GLMN: variants seen among roughly 807,000 people sequenced by gnomAD.
The protein encoded by GLMN is glomulin, FKBP associated protein.
GLMN carries 75 observed loss-of-function variants against 87.8 expected under a neutral mutation model. That is an observed-to-expected ratio of 0.85 (90% CI 0.71 to 1.04). GLMN has a LOEUF of 1.04. Ranked by LOEUF, GLMN falls within the 50% of genes least tolerant of loss-of-function variation. The pLI, the probability that GLMN is intolerant of heterozygous loss-of-function variation, is 0.00. For synonymous variants in GLMN, 206 were observed against 221.6 expected, an observed-to-expected ratio of 0.93 and a Z score of 0.63; for missense variants, 588 against 658.8, an observed-to-expected ratio of 0.89 and a Z score of 1.18.
the GLMN span, chr1:92,333,600 G>A: frequency 1.5e-6 from 1 of 673,934 alleles, no homozygotes; most frequent in East Asian, 2.8e-5. Flanking sequence ...AGTTCACATG[G>A]ATTTCTTCAC....
intron 16 of GLMN, among the ~76,000 whole-genome samples, chr1:92,248,641 T>C (rs773098163): frequency 1.5e-4 from 23 of 152,110 alleles, no homozygotes; most frequent in Non-Finnish European, 2.8e-4. Flanking sequence ...CAAAGGAAAA[T>C]GTCTTAGGTC....
Position 92,246,418 on chromosome 1 carries a change from CATTT to C in GLMN, c.*108_*111del, listed in dbSNP as rs1652673762. 2 of 645,124 alleles carry C rather than the reference CATTT, an allele frequency of 3.1e-6. No homozygotes were observed. Among genetic ancestry groups the C allele is most frequent in the East Asian group, 5.6e-5 (2 of 35,944 alleles). 40.0% of individuals were successfully genotyped at this position (645,124 alleles called of 1,614,324 possible). On this transcript the variant is annotated 3_prime_UTR_variant, in exon 19 of 19. Coordinates refer to ENST00000370360, the MANE Select transcript of GLMN (RefSeq NM_053274.3). ...AGAAATTGATAAATGAGAAAAGCTA[CATTT>C]ATTTTTCAAGCAGTAAATTTTTACA...
At chr1:92,359,683 C>G in the GLMN span, among the ~76,000 whole-genome samples, 1 of 152,144 alleles carries the variant, frequency 6.6e-6, no homozygotes, top group African/African-American at 2.4e-5. Context: ...AAGATTTAGG[C>G]AGATTATCAG....
the GLMN span, among the ~76,000 whole-genome samples, chr1:92,369,428 G>A: frequency 6.6e-6 from 1 of 152,124 alleles, no homozygotes; most frequent in Non-Finnish European, 1.5e-5. Flanking sequence ...TCCCACCTCA[G>A]CCTCTTGTTG....
the GLMN span, among the ~76,000 whole-genome samples, chr1:92,313,085 T>C: frequency 6.6e-6 from 1 of 152,222 alleles, no homozygotes; most frequent in African/African-American, 2.4e-5. Context: ...CAGGCTGGTC[T>C]CGAACTCCTG....
At chr1:92,278,251 T>A (rs952815690) in intron 7 of GLMN, among the ~76,000 whole-genome samples, 1 of 152,108 alleles carries the variant, frequency 6.6e-6, no homozygotes, top group Admixed American at 6.5e-5. Flanking sequence ...AAAATACATA[T>A]CATATGTGAT....
the GLMN span, among the ~76,000 whole-genome samples, chr1:92,350,201 T>C: frequency 1.3e-5 from 2 of 152,212 alleles, no homozygotes; most frequent in African/African-American, 2.4e-5. Context: ...CAAGAGCACA[T>C]GGAAAGACCT....
At chr1:92,292,836 T>C (rs1441553366) in intron 3 of GLMN, among the ~76,000 whole-genome samples, 2 of 150,754 alleles carry the variant, frequency 1.3e-5, no homozygotes, top group Non-Finnish European at 3.0e-5. Context: ...AAGACCAGCC[T>C]GGGCAACACG....
chr1:92,264,579 T>G lies in GLMN; in HGVS notation c.1274A>C (p.Lys425Thr). The change falls in exon 14 of 19, where the codon AAA becomes ACA. Residue 425 changes from lysine to threonine, a missense_variant. Lys to Thr is a moderately conservative substitution (Grantham distance 78). Coordinates refer to ENST00000370360, the MANE Select transcript of GLMN (RefSeq NM_053274.3). ...GVEAFIIQNI[K>T]NQIDMSLKRT... ...CTTTAATGACATGTCAATTTGATTT[T>G]TGATATTTTGAATAATAAAAGCCTC... The G allele has an allele frequency of 6.3e-7, 1 of 1,579,492 alleles. No homozygotes were observed. Among genetic ancestry groups the G allele is most frequent in the Non-Finnish European group, 8.7e-7 (1 of 1,148,472 alleles).
chr1:92,305,964 G>T, the GLMN span, among the ~76,000 whole-genome samples: 1 of 152,006 alleles, frequency 6.6e-6, no homozygotes, highest in Non-Finnish European at 1.5e-5. Flanking sequence ...TCTTACACAT[G>T]TACACCAGCA....
the GLMN span, among the ~76,000 whole-genome samples, chr1:92,307,832 TTTA>T: frequency 6.6e-6 from 1 of 152,082 alleles, no homozygotes; most frequent in African/African-American, 2.4e-5. Context: ...TCAAGAAAAT[TTTA>T]TTATTGAGGG....
the GLMN span, among the ~76,000 whole-genome samples, chr1:92,344,500 A>G: frequency 6.6e-6 from 1 of 152,256 alleles, no homozygotes; most frequent in Non-Finnish European, 1.5e-5. Flanking sequence ...ACAGCTATTT[A>G]ATATTTTATA....
chr1:92,299,358 T>C (rs1366521516), upstream of GLMN, among the ~76,000 whole-genome samples: 1 of 152,104 alleles, frequency 6.6e-6, no homozygotes, highest in African/African-American at 2.4e-5. Flanking sequence ...GTTCCAAGAT[T>C]TCCCTCACGC....
At chr1:92,334,735 C>T in the GLMN span, among the ~76,000 whole-genome samples, 2 of 151,900 alleles carry the variant, frequency 1.3e-5, no homozygotes, top group South Asian at 4.2e-4. Flanking sequence ...ACCTGTAATC[C>T]CAGCACTTTG....
At chr1:92,357,662 C>G in the GLMN span, among the ~76,000 whole-genome samples, 1 of 152,138 alleles carries the variant, frequency 6.6e-6, no homozygotes, top group African/African-American at 2.4e-5. Context: ...CTCATGAGTG[C>G]TGAAGACTAT....
chr1:92,303,563 G>A (rs1228323395), upstream of GLMN, among the ~76,000 whole-genome samples: 2 of 151,888 alleles, frequency 1.3e-5, no homozygotes, highest in Non-Finnish European at 2.9e-5. Context: ...TAAAGATTAT[G>A]CTTTAAAAAA....
the GLMN span, among the ~76,000 whole-genome samples, chr1:92,355,449 G>A: frequency 1.3e-5 from 2 of 152,146 alleles, no homozygotes; most frequent in African/African-American, 2.4e-5. Context: ...GCTTCTGAAA[G>A]AGATAAAGAT....
the GLMN span, among the ~76,000 whole-genome samples, chr1:92,315,661 T>G: frequency 6.6e-6 from 1 of 152,210 alleles, no homozygotes; most frequent in Non-Finnish European, 1.5e-5. Flanking sequence ...ACTACCTCAT[T>G]GGTATAGATG....
At chr1:92,286,340 T>C (rs1648742728) in intron 7 of GLMN, 150 bp downstream of exon 7, 2 of 419,224 alleles carry the variant, frequency 4.8e-6, no homozygotes, top group African/African-American at 4.1e-5. Flanking sequence ...AATAAAATTA[T>C]TGCTGTTTTA....
Sources: allele counts gnomAD v4.1 joint callset (sites outside exome capture counted in the v4.1 genomes callset), GRCh38; gene constraint gnomAD v4.1.1; transcripts MANE v1.5; gene names NCBI Gene and HGNC (gene_info 2026-07-23, HGNC 2026-07-21).